The following DPRX variants were observed in gnomAD, a reference collection of about 807,000 sequenced individuals.
The protein encoded by DPRX is divergent paired-related homeobox.
DPRX carries 11 observed loss-of-function variants against 8.4 expected under a neutral mutation model. That is an observed-to-expected ratio of 1.31 (90% CI 0.82 to 2.17). DPRX has a LOEUF of 2.17. DPRX is among the 30% of genes most tolerant of loss of function. The pLI, the probability that DPRX is intolerant of heterozygous loss-of-function variation, is 0.00. For synonymous variants in DPRX, 72 were observed against 87.0 expected, an observed-to-expected ratio of 0.83 and a Z score of 0.96; for missense variants, 211 against 236.7, an observed-to-expected ratio of 0.89 and a Z score of 0.71.
chr19:53,605,377 AT>A, the DPRX span, among the ~76,000 whole-genome samples: 34,580 of 137,928 alleles, frequency 0.25, 4,914 homozygotes, highest in African/African-American at 0.45. Context: ...CACCCAGCTA[AT>A]TTTTTTTTTT....
upstream of DPRX, among the ~76,000 whole-genome samples, chr19:53,631,413 CT>C (rs1463784431): frequency 6.6e-6 from 1 of 152,122 alleles, no homozygotes; most frequent in Admixed American, 6.6e-5. Context: ...CTGAAAGCCC[CT>C]TTAGGGTTTA....
At chr19:53,627,862 C>T (rs1283841909), upstream of DPRX, among the ~76,000 whole-genome samples, 1 of 150,362 alleles carries the variant, frequency 6.7e-6, no homozygotes, top group Non-Finnish European at 1.5e-5. Context: ...ACCAGCCTGG[C>T]CAACGTGGCA....
chr19:53,605,155 G>C, the DPRX span, among the ~76,000 whole-genome samples: 1 of 152,212 alleles, frequency 6.6e-6, no homozygotes, highest in Non-Finnish European at 1.5e-5. Flanking sequence ...TACAAAATTT[G>C]AATATTAGCC....
At chr19:53,621,880 A>G in the DPRX span, among the ~76,000 whole-genome samples, 2 of 152,166 alleles carry the variant, frequency 1.3e-5, no homozygotes, top group African/African-American at 2.4e-5. Context: ...AAAATTTTCA[A>G]TACAATATGT....
chr19:53,611,632 A>G, the DPRX span, among the ~76,000 whole-genome samples: 1 of 152,166 alleles, frequency 6.6e-6, no homozygotes, highest in Non-Finnish European at 1.5e-5. Flanking sequence ...AACATTGACA[A>G]TGCTTAAGGA....
intron 1 of DPRX, among the ~76,000 whole-genome samples, chr19:53,633,309 C>T (rs145542932): frequency 4.1e-4 from 62 of 152,162 alleles, no homozygotes; most frequent in African/African-American, 1.4e-3. Context: ...AGGTGACATC[C>T]GTGACAGCAG....
At position 53,636,653 on chromosome 19, in the gene DPRX, C is replaced by T. The variant is rs1396021606; in HGVS notation, c.241C>T (p.Gln81Ter). 2.5e-6 allele frequency: 4 copies of T among 1,613,968 alleles called. No homozygotes were observed. In the East Asian group the frequency reaches 8.9e-5, roughly 36 times the overall value. ...GAAAGCGAAATGCAAGCATATTCAT[C>T]AAAAACAAGAAACTCCACAACCGCC... Residue 81 changes from glutamine to a stop codon, truncating the protein, a stop_gained, in exon 3 of 3, where the codon CAA (glutamine) becomes TAA (stop). Transcript: ENST00000376650. LOFTEE classifies it low-confidence loss of function (END_TRUNC).
the DPRX span, among the ~76,000 whole-genome samples, chr19:53,604,784 A>G: frequency 1.3e-5 from 2 of 150,994 alleles, no homozygotes; most frequent in Admixed American, 1.3e-4. Flanking sequence ...CGGAGGTTGC[A>G]GTGAGCTGAG....
At chr19:53,627,502 T>C (rs1471858072), upstream of DPRX, among the ~76,000 whole-genome samples, 1 of 148,680 alleles carries the variant, frequency 6.7e-6, no homozygotes, top group Non-Finnish European at 1.5e-5. Flanking sequence ...AATGGCGTGA[T>C]CTTGGCTCAC....
chr19:53,607,810 G>A, the DPRX span, among the ~76,000 whole-genome samples: 50,830 of 150,112 alleles, frequency 0.34, 9,147 homozygotes, highest in African/African-American at 0.47. Flanking sequence ...GAAATTGTGC[G>A]ACCGAAATTT....
the DPRX span, among the ~76,000 whole-genome samples, chr19:53,618,615 TAAA>T: frequency 3.9e-5 from 4 of 102,794 alleles, no homozygotes; most frequent in Admixed American, 2.3e-4. Flanking sequence ...ACCCCATCTC[TAAA>T]AAAAAAAAAA....
the DPRX span, among the ~76,000 whole-genome samples, chr19:53,609,233 CA>C: frequency 6.6e-6 from 1 of 151,164 alleles, no homozygotes; most frequent in Non-Finnish European, 1.5e-5. Flanking sequence ...TTTGGGAGGC[CA>C]AGAGGGGCAG....
At chr19:53,601,420 G>A in the DPRX span, 1 of 453,402 alleles carries the variant, frequency 2.2e-6, no homozygotes, top group Non-Finnish European at 4.4e-6. Flanking sequence ...GTCTGCAAGG[G>A]ACCCTTATTC....
chr19:53,616,883 T>G, the DPRX span: 1 of 1,555,542 alleles, frequency 6.4e-7, no homozygotes, highest in Non-Finnish European at 8.9e-7. Context: ...TGGCTGCACA[T>G]GCCGTTGGCC....
chr19:53,621,813 A>C, the DPRX span, among the ~76,000 whole-genome samples: 1 of 152,108 alleles, frequency 6.6e-6, no homozygotes, highest in Non-Finnish European at 1.5e-5. Context: ...TCTTTCCTAG[A>C]AAAAAATAGT....
the DPRX span, chr19:53,617,000 A>C: frequency 2.6e-6 from 3 of 1,137,626 alleles, no homozygotes; most frequent in African/African-American, 4.6e-5. Flanking sequence ...ACTGATGAAC[A>C]AGGGCATCAG....
chr19:53,636,971 C>A (rs1361209834), exon 3 of DPRX: 1 of 1,603,862 alleles, frequency 6.2e-7, no homozygotes, highest in Non-Finnish European at 8.5e-7. Flanking sequence ...TTCATCTAAC[C>A]AAAGTCGAGA....
the DPRX span, among the ~76,000 whole-genome samples, chr19:53,608,880 G>T: frequency 6.7e-6 from 1 of 150,046 alleles, no homozygotes; most frequent in Non-Finnish European, 1.5e-5. Context: ...GTGTGAAGCT[G>T]GGAGGCAGAG....
the DPRX span, chr19:53,601,944 C>A: frequency 4.5e-6 from 2 of 443,956 alleles, no homozygotes; most frequent in South Asian, 3.2e-5. Flanking sequence ...GAGCTTGAGG[C>A]ATGCAGAGTC....
Sources: allele counts gnomAD v4.1 joint callset (sites outside exome capture counted in the v4.1 genomes callset), GRCh38; gene constraint gnomAD v4.1.1; transcripts MANE v1.5; gene names NCBI Gene and HGNC (gene_info 2026-07-23, HGNC 2026-07-21).